The following RYR3 variants were observed in gnomAD, a reference collection of about 807,000 sequenced individuals.
The protein encoded by RYR3 is brain ryanodine receptor-calcium release channel.
A neutral mutation model predicts 584.3 loss-of-function variants in RYR3; 207 were observed. The observed-to-expected ratio is 0.35, with a 90% CI of 0.32 to 0.40. RYR3 has a LOEUF of 0.40. RYR3 is among the 10% of genes least tolerant of loss of function. The pLI is 1.00. For synonymous variants in RYR3, 2,416 were observed against 2,248.5 expected, an observed-to-expected ratio of 1.07 and a Z score of -2.11; for missense variants, 5,616 against 6,089.2, an observed-to-expected ratio of 0.92 and a Z score of 2.59.
chr15:33,708,788 G>C (rs1349781484), intron 43 of RYR3, among the ~76,000 whole-genome samples: 2 of 152,222 alleles, frequency 1.3e-5, no homozygotes, highest in Non-Finnish European at 1.5e-5. Context: ...GCAATGGTGA[G>C]CACACACTTG....
At chr15:33,652,343 C>T (rs1466140643) in intron 31 of RYR3, among the ~76,000 whole-genome samples, 1 of 152,172 alleles carries the variant, frequency 6.6e-6, no homozygotes, top group Non-Finnish European at 1.5e-5. Context: ...TCCAAATCCC[C>T]ATATAAGTTT....
intron 43 of RYR3, among the ~76,000 whole-genome samples, chr15:33,714,213 G>C (rs185968537): frequency 4.1e-4 from 63 of 152,130 alleles, no homozygotes; most frequent in Admixed American, 8.5e-4. Context: ...CTTTGAGCTT[G>C]TCAAAAATGG....
At chr15:33,623,408 C>G (rs182150024) in intron 19 of RYR3, among the ~76,000 whole-genome samples, 2 of 150,346 alleles carry the variant, frequency 1.3e-5, no homozygotes. Context: ...TAATCTCCCT[C>G]GAGAAGAGTT....
At chr15:33,474,884 G>A (rs532678599) in intron 2 of RYR3, among the ~76,000 whole-genome samples, 16 of 152,238 alleles carry the variant, frequency 1.1e-4, no homozygotes, top group Admixed American at 4.6e-4. Flanking sequence ...CTCCCTTGTA[G>A]GTCACTGATC....
chr15:33,778,889 C>T (rs1027830153), intron 64 of RYR3, among the ~76,000 whole-genome samples: 2 of 152,292 alleles, frequency 1.3e-5, no homozygotes, highest in Non-Finnish European at 1.5e-5. Flanking sequence ...TTGAAGTTAT[C>T]GGCTCAAATG....
At chr15:33,806,388 C>G (rs763568677) in intron 69 of RYR3, among the ~76,000 whole-genome samples, 5 of 151,938 alleles carry the variant, frequency 3.3e-5, no homozygotes, top group Non-Finnish European at 7.4e-5. Flanking sequence ...GGGCCAGTGT[C>G]GTGCCTGTAA....
intron 8 of RYR3, among the ~76,000 whole-genome samples, chr15:33,547,534 TA>T (rs2141214297): frequency 6.6e-6 from 1 of 152,276 alleles, no homozygotes; most frequent in African/African-American, 2.4e-5. Flanking sequence ...AACTGTTTGA[TA>T]AACCTAACAT....
chr15:33,617,061 A>G (rs1450397175), intron 19 of RYR3, among the ~76,000 whole-genome samples: 1 of 152,238 alleles, frequency 6.6e-6, no homozygotes, highest in Non-Finnish European at 1.5e-5. Context: ...TCAGTTGAAC[A>G]AAGAGCTAGA....
chr15:33,679,357 A>C (rs1209654146), intron 38 of RYR3, among the ~76,000 whole-genome samples: 1 of 152,182 alleles, frequency 6.6e-6, no homozygotes, highest in East Asian at 1.9e-4. Context: ...TACTCACCAT[A>C]GTGAGTAACC....
At chr15:33,716,279 G>T (rs1427372322) in intron 43 of RYR3, among the ~76,000 whole-genome samples, 2 of 152,116 alleles carry the variant, frequency 1.3e-5, no homozygotes, top group African/African-American at 2.4e-5. Flanking sequence ...TGCAAGAATG[G>T]CCTAACACAC....
chr15:33,635,901 G>A, intron 26 of RYR3, 82 bp downstream of exon 26: 1 of 1,231,864 alleles, frequency 8.1e-7, no homozygotes, highest in Non-Finnish European at 1.1e-6. Flanking sequence ...TCAAATTACT[G>A]GATCTCTGGC....
chr15:33,535,182 T>C (rs1300997896), intron 5 of RYR3, among the ~76,000 whole-genome samples: 3 of 152,208 alleles, frequency 2.0e-5, no homozygotes, highest in African/African-American at 7.2e-5. Context: ...GACAAGAGCC[T>C]ATGTTGTTAT....
chr15:33,779,846 A>G (rs1429927210), intron 64 of RYR3, among the ~76,000 whole-genome samples: 1 of 144,166 alleles, frequency 6.9e-6, no homozygotes, highest in South Asian at 2.3e-4. Context: ...ACTAAAAAAA[A>G]AAATAGAAAA....
intron 1 of RYR3, among the ~76,000 whole-genome samples, chr15:33,380,462 G>C (rs891022235): frequency 6.6e-6 from 1 of 152,180 alleles, no homozygotes; most frequent in African/African-American, 2.4e-5. Flanking sequence ...AGTGACTTCT[G>C]AAGTTCTTTT....
In RYR3 at chr15:33,726,397, A is replaced by G. The variant is rs1596326699; in HGVS notation, c.6924A>G (p.Thr2308=). The G allele has an allele frequency of 1.2e-6, 2 of 1,613,212 alleles. No homozygotes were observed. The highest frequency in any genetic ancestry group is 2.2e-5 in the East Asian group (1 of 44,862). ...RCAPEMHLIQ[T]GKGEAIRIRS... ...ACCCTATCTTCCAGCTCATCCAGAC[A>G]GGAAAGGGGGAAGCCATCCGCATCA... Residue 2308 remains threonine (T), a synonymous_variant, in exon 46 of 104, where the codon ACA becomes ACG. Transcript: ENST00000634891.
chr15:33,598,169 A>G (rs556045110), intron 16 of RYR3, among the ~76,000 whole-genome samples: 2 of 138,502 alleles, frequency 1.4e-5, no homozygotes, highest in African/African-American at 5.5e-5. Context: ...CTCTGCTGCA[A>G]TAACTATTTT....
At chr15:33,748,343 G>A in intron 54 of RYR3, 83 bp downstream of exon 54, 4 of 1,551,122 alleles carry the variant, frequency 2.6e-6, no homozygotes, top group Non-Finnish European at 3.5e-6. Context: ...GGCATCGTAG[G>A]TGGGACCATC....
intron 1 of RYR3, among the ~76,000 whole-genome samples, chr15:33,463,604 CA>C (rs34964058): frequency 0.12 from 18,706 of 152,102 alleles, 1,467 homozygotes; most frequent in East Asian, 0.34. Flanking sequence ...TACATAACAG[CA>C]TGTTCTGCCT....
At chr15:33,381,553 A>G (rs1161962094) in intron 1 of RYR3, among the ~76,000 whole-genome samples, 1 of 151,866 alleles carries the variant, frequency 6.6e-6, no homozygotes, top group Non-Finnish European at 1.5e-5. Context: ...GTGTTTTTTC[A>G]TAGCCTTCTT....
Sources: gnomAD v4.1 joint callset for allele counts (sites outside exome capture counted in the v4.1 genomes callset) on GRCh38, gnomAD v4.1.1 for gene constraint, MANE v1.5 for transcripts, NCBI Gene and HGNC (gene_info 2026-07-23, HGNC 2026-07-21) for gene names.